Variants in CHRNA7 observed in about 807,000 individuals in gnomAD.
The protein encoded by CHRNA7 is cholinergic receptor nicotinic alpha 7 subunit.
Under a neutral mutation model 48.0 loss-of-function variants are expected in CHRNA7, and 17 were observed. The observed-to-expected ratio is 0.35, with a 90% CI of 0.24 to 0.53. The LOEUF (loss-of-function observed/expected upper bound fraction) is 0.53. Ranked by LOEUF, CHRNA7 falls within the 20% of genes least tolerant of loss-of-function variation. The pLI, the probability that CHRNA7 is intolerant of heterozygous loss-of-function variation, is 0.92. For missense variants in CHRNA7, 155 were observed against 577.7 expected (o/e 0.27, Z 7.50); for synonymous variants, 75 against 242.3 (o/e 0.31, Z 6.41).
At chr15:32,072,419 A>G (rs1337846969) in intron 2 of CHRNA7, among the ~76,000 whole-genome samples, 6 of 152,204 alleles carry the variant, frequency 3.9e-5, no homozygotes, top group African/African-American at 9.6e-5. Context: ...AAGAAAAAGC[A>G]TTTTCAGGAG....
At chr15:32,144,283 A>G (rs987585265) in intron 4 of CHRNA7, among the ~76,000 whole-genome samples, 1 of 152,294 alleles carries the variant, frequency 6.6e-6, no homozygotes, top group Non-Finnish European at 1.5e-5. Context: ...CGAGAGATCC[A>G]CTGTTAGTCT....
chr15:32,043,589 T>C (rs1314169851), intron 2 of CHRNA7, among the ~76,000 whole-genome samples: 2 of 152,174 alleles, frequency 1.3e-5, no homozygotes, highest in Admixed American at 6.5e-5. Flanking sequence ...TAAAGTCTAG[T>C]GAAAGTCGTC....
intron 2 of CHRNA7, among the ~76,000 whole-genome samples, chr15:32,076,084 G>GA (rs1452036877): frequency 6.6e-6 from 1 of 152,064 alleles, no homozygotes; most frequent in African/African-American, 2.4e-5. Context: ...TTATGGTCCA[G>GA]AGTATGGCAC....
Position 32,163,305 on chromosome 15 carries a change from C to T in CHRNA7, c.960C>T (p.His320=), listed in dbSNP as rs753933393. 16 of 782,572 alleles carry T rather than the reference C, an allele frequency of 2.0e-5. 6 individuals carry two copies. Among genetic ancestry groups the T allele is most frequent in the East Asian group, 1.6e-4 (5 of 31,408 alleles). The allele number at this position is 782,572 out of a possible 1,614,324, so 48.5% of individuals were successfully genotyped here. The part of the protein sequence containing the change: ...VTVIVLQYHH[H]DPDGGKMPKW... ...TGATCGTGCTGCAGTACCACCACCACGACCCCGACGGGGGCAAGATGCCCA... is the reference window on the plus strand; with the variant it reads ...TGATCGTGCTGCAGTACCACCACCATGACCCCGACGGGGGCAAGATGCCCA... Residue 320 remains histidine (H), a synonymous_variant, in exon 9 of 10, where the codon CAC becomes CAT. Transcript: ENST00000306901.
chr15:32,148,395 T>G (rs2051538034), intron 4 of CHRNA7, among the ~76,000 whole-genome samples: 1 of 152,160 alleles, frequency 6.6e-6, no homozygotes, highest in Admixed American at 6.5e-5. Context: ...CACTCTCTTC[T>G]TTTCTGGCTC....
At chr15:32,062,002 A>C (rs1318393040) in intron 2 of CHRNA7, among the ~76,000 whole-genome samples, 1 of 152,218 alleles carries the variant, frequency 6.6e-6, no homozygotes, top group Non-Finnish European at 1.5e-5. Context: ...CATTTTGGTA[A>C]TATAACTCTT....
intron 2 of CHRNA7, chr15:32,099,532 T>G (rs1246106475): frequency 7.2e-5 from 11 of 152,228 alleles, no homozygotes; most frequent in Non-Finnish European, 2.9e-5. Flanking sequence ...GAAAGCCTTT[T>G]AATTAGATTC....
intron 4 of CHRNA7, among the ~76,000 whole-genome samples, chr15:32,138,132 G>T (rs1434941214): frequency 1.3e-5 from 2 of 151,998 alleles, no homozygotes; most frequent in Non-Finnish European, 2.9e-5. Flanking sequence ...ATCAACGAAG[G>T]ACAAATTGGT....
At chr15:32,047,152 G>A (rs35831694) in intron 2 of CHRNA7, among the ~76,000 whole-genome samples, 14,786 of 110,222 alleles carry the variant, frequency 0.13, 1,289 homozygotes, top group East Asian at 0.36. Context: ...TTGGTGATGC[G>A]GGCTCTTTTT....
At position 32,066,699 on chromosome 15, in the gene CHRNA7, T is replaced by A. The variant is rs534756098; in HGVS notation, c.196-34604T>A. 3.9e-5 allele frequency among the ~76,000 whole-genome samples: 6 copies of A among 152,334 alleles called. No homozygotes were observed. The South Asian group carries it at 1.2e-3, about 32-fold the overall frequency. On this transcript the variant is annotated intron_variant, in intron 2 of 9. Transcript: ENST00000306901. ...AACAAAACAGAGTCAATAGGAATTG[T>A]CCTAAGAAAGCCCAGATGTTGAGTT...
chr15:32,096,612 C>CA (rs1379732788), intron 2 of CHRNA7, among the ~76,000 whole-genome samples: 1 of 143,780 alleles, frequency 7.0e-6, no homozygotes, highest in Non-Finnish European at 1.5e-5. Flanking sequence ...TATGTTTTTG[C>CA]TTTTTTTTTT....
At chr15:32,122,806 A>G (rs2050995431) in intron 4 of CHRNA7, among the ~76,000 whole-genome samples, 1 of 152,018 alleles carries the variant, frequency 6.6e-6, no homozygotes, top group South Asian at 2.1e-4. Context: ...AGGGTGAATA[A>G]AAAGAGACAT....
At chr15:32,131,829 C>T (rs1371934415) in intron 4 of CHRNA7, among the ~76,000 whole-genome samples, 1 of 152,130 alleles carries the variant, frequency 6.6e-6, no homozygotes, top group African/African-American at 2.4e-5. Flanking sequence ...TCCTCTGACA[C>T]TGTGCTAGCA....
upstream of CHRNA7, chr15:32,030,490 A>T: frequency 8.6e-7 from 1 of 1,162,080 alleles, no homozygotes; most frequent in Non-Finnish European, 1.1e-6. Context: ...GGCTCCTTAA[A>T]GGCGCGCGAG....
Position 32,128,252 on chromosome 15 carries a change from T to C in CHRNA7, c.350+16353T>C, listed in dbSNP as rs143372516. ...GTTTCTTCCCATTTTATTGTTCCTT[T>C]TCAAAATTGTTTTAGCTATTTTAGT... is the stretch of plus-strand genomic sequence containing the variant. On this transcript the variant is annotated intron_variant, in intron 4 of 9. Coordinates refer to ENST00000306901, the MANE Select transcript of CHRNA7 (RefSeq NM_000746.6). Among the ~76,000 whole-genome samples the C allele has an allele frequency of 5.9e-5, 9 of 152,168 alleles. No homozygotes were observed. In the East Asian group the frequency reaches 1.7e-3, roughly 29 times the overall value.
At chr15:32,060,710 G>C (rs953591391) in intron 2 of CHRNA7, among the ~76,000 whole-genome samples, 1 of 152,174 alleles carries the variant, frequency 6.6e-6, no homozygotes, top group Non-Finnish European at 1.5e-5. Flanking sequence ...CAAATTCTCA[G>C]ACAAAAATAA....
chr15:32,085,084 C>T (rs1320731019), intron 2 of CHRNA7, among the ~76,000 whole-genome samples: 1 of 152,114 alleles, frequency 6.6e-6, no homozygotes, highest in Non-Finnish European at 1.5e-5. Flanking sequence ...CTGCCTTAGC[C>T]TCCCAAAGTG....
intron 4 of CHRNA7, among the ~76,000 whole-genome samples, chr15:32,138,688 A>G (rs2051318170): frequency 6.6e-6 from 1 of 151,280 alleles, no homozygotes; most frequent in South Asian, 2.1e-4. Flanking sequence ...CCACCTATTC[A>G]TCCCGCCCTC....
intron 2 of CHRNA7, among the ~76,000 whole-genome samples, chr15:32,054,389 GT>G (rs200004269): frequency 0.28 from 41,897 of 151,898 alleles, 7,240 homozygotes; most frequent in East Asian, 0.6. Flanking sequence ...TTAACACACT[GT>G]GTTAAAGGTC....
Sources: gnomAD v4.1 joint callset for allele counts (sites outside exome capture counted in the v4.1 genomes callset) on GRCh38, gnomAD v4.1.1 for gene constraint, MANE v1.5 for transcripts, NCBI Gene and HGNC (gene_info 2026-07-23, HGNC 2026-07-21) for gene names.